Variants in ITIH6 observed in about 807,000 individuals in gnomAD.
ITIH6 encodes the protein inter-alpha-trypsin inhibitor heavy chain family member 6.
In ITIH6, 60 loss-of-function variants were observed where a neutral mutation model predicts 58.2. The ratio of observed to expected loss-of-function variants is 1.03; its 90% CI spans 0.84 to 1.28. ITIH6 has a LOEUF of 1.28. Among genes scored for constraint, ITIH6 ranks in the 50% most tolerant of loss-of-function variants. ITIH6 has a pLI of 0.00. For synonymous variants in ITIH6, 493 were observed against 417.4 expected, an observed-to-expected ratio of 1.18 and a Z score of -2.21; for missense variants, 1,290 against 1,021.1, an observed-to-expected ratio of 1.26 and a Z score of -3.59.
chrX:54,750,938 C>T, intron 12 of ITIH6, 65 bp downstream of exon 12: 2 of 1,061,929 alleles, frequency 1.9e-6, no homozygotes, highest in Non-Finnish European at 2.5e-6. Context: ...ACATGCCTTT[C>T]ACCCTGGCAG....
At chrX:54,752,459 G>A (rs1252303779) in intron 11 of ITIH6, among the ~76,000 whole-genome samples, 1 of 111,996 alleles carries the variant, frequency 8.9e-6, no homozygotes, top group African/African-American at 3.3e-5. Flanking sequence ...GTTTTAAGAA[G>A]GGATGAGACA....
intron 1 of ITIH6, among the ~76,000 whole-genome samples, chrX:54,797,875 G>T (rs2147623997): frequency 9.0e-6 from 1 of 110,560 alleles, no homozygotes; most frequent in South Asian, 3.9e-4. Flanking sequence ...TCTATAATGG[G>T]GATAATAATA....
In ITIH6 at chrX:54,758,867, C is replaced by T. The variant is rs747260784; in HGVS notation, c.1207G>A (p.Gly403Ser). The T allele has an allele frequency of 1.3e-5, 16 of 1,211,287 alleles. No individual in the cohort carries two copies. Among genetic ancestry groups the T allele is most frequent in the Admixed American group, 2.2e-5 (1 of 46,005 alleles). ...AGGATCACACTGGGGGTCGTCACGC[C>T]GGCCGTGGGCTCCCCATCCGTCAGG... ...IFLTDGEPTAGVTTPSVILSN... is the reference protein window; with the variant it reads ...IFLTDGEPTASVTTPSVILSN... The change falls in exon 8 of 13, where the codon GGC becomes AGC. Residue 403 changes from glycine (G) to serine (S), a missense_variant. Transcript: ENST00000218436.
chrX:54,795,249 G>C (rs1189731687), intron 2 of ITIH6, among the ~76,000 whole-genome samples: 3 of 112,054 alleles, frequency 2.7e-5, no homozygotes, highest in African/African-American at 9.7e-5. Flanking sequence ...GGATGCTGGA[G>C]ACAAATCGAA....
chrX:54,764,722 G>A (rs1239795746), intron 6 of ITIH6, among the ~76,000 whole-genome samples: 7 of 89,567 alleles, frequency 7.8e-5, no homozygotes, highest in African/African-American at 2.1e-4. Context: ...ATAAACATAC[G>A]TGTGCATGTG....
rs761443368 is a variant in ITIH6 at position 54,794,429 on chromosome X, GC to G, written c.258-2394del. Among the ~76,000 whole-genome samples, 310 of 111,156 alleles carry G rather than the reference GC, an allele frequency of 2.8e-3. 3 individuals are homozygous for G. The highest frequency in any genetic ancestry group is 5.3e-3 in the Non-Finnish European group (282 of 52,954). ...ATTTGACTGCCAGCTTCTCTGGTTA[GC>G]CCCCCATAGTCCAAACCCACGCCTG... On this transcript the variant is annotated intron_variant, in intron 2 of 12. Transcript: ENST00000218436.
rs761003584 is a variant in ITIH6 at position 54,749,999 on chromosome X, TCAG to T, written c.3835_3837del (p.Leu1279del). On this transcript the variant is annotated inframe_deletion, in exon 13 of 13. Transcript: ENST00000218436. Reference sequence around the variant, plus strand: ...CGGGGCAGCAGCCTTGGTGAGTCCTTCAGCAGCCTCTTGCCTAGAATCACAGGC... The same window carrying T: ...CGGGGCAGCAGCCTTGGTGAGTCCTTCAGCCTCTTGCCTAGAATCACAGGC... 4 of 1,209,693 alleles carry T rather than the reference TCAG, an allele frequency of 3.3e-6. No individual in the cohort carries two copies. Among genetic ancestry groups the T allele is most frequent in the Non-Finnish European group, 4.5e-6 (4 of 894,984 alleles).
At chrX:54,770,112 G>A (rs1486304642) in intron 6 of ITIH6, among the ~76,000 whole-genome samples, 4 of 111,973 alleles carry the variant, frequency 3.6e-5, no homozygotes, top group Non-Finnish European at 5.7e-5. Flanking sequence ...TCTGAAAAGC[G>A]CAATATTCGG....
chrX:54,751,356 A>G lies in ITIH6; in HGVS notation c.3377T>C (p.Leu1126Pro), dbSNP rs1457737481. 3.3e-6 allele frequency: 4 copies of G among 1,210,177 alleles called. No homozygotes were observed. The highest frequency in any genetic ancestry group is 4.5e-6 in the Non-Finnish European group (4 of 895,147). ...KAGLHVSGKL[L>P]GAPPRPGHKD... is the part of the protein sequence containing the mutation. ...GTGGCCCGGCCTTGGTGGTGCGCCAAGCAGCTTCCCACTCACATGCAGCCC... is the reference window on the plus strand; with the variant it reads ...GTGGCCCGGCCTTGGTGGTGCGCCAGGCAGCTTCCCACTCACATGCAGCCC... The change falls in exon 12 of 13, where the codon CTT (leucine) becomes CCT (proline). Residue 1126 changes from leucine (L) to proline (P), a missense_variant. Coordinates refer to ENST00000218436, the MANE Select transcript of ITIH6 (RefSeq NM_198510.3).
At position 54,749,997 on chromosome X, in the gene ITIH6, C is replaced by A. The variant is rs1387320767; in HGVS notation, c.3840G>T (p.Lys1280Asn). ...VPVILGKRLLKDSPRLLPRWA... is the reference protein window; with the variant it reads ...VPVILGKRLLNDSPRLLPRWA... Reference sequence around the variant, plus strand: ...AGCGGGGCAGCAGCCTTGGTGAGTCCTTCAGCAGCCTCTTGCCTAGAATCA... The same window carrying A: ...AGCGGGGCAGCAGCCTTGGTGAGTCATTCAGCAGCCTCTTGCCTAGAATCA... Residue 1280 changes from lysine (K) to asparagine (N), a missense_variant, in exon 13 of 13, where the codon AAG (lysine) becomes AAT (asparagine). Physicochemically the swap from Lys to Asn is moderately conservative, Grantham distance 94 (BLOSUM62 0). Coordinates refer to ENST00000218436, the MANE Select transcript of ITIH6 (RefSeq NM_198510.3). The A allele has an allele frequency of 5.0e-6, 6 of 1,211,464 alleles. No individual in the cohort carries two copies. The highest frequency in any genetic ancestry group is 6.7e-6 in the Non-Finnish European group (6 of 895,248).
intron 3 of ITIH6, 24 bp downstream of exon 3, chrX:54,791,902 G>A: frequency 3.4e-6 from 3 of 889,258 alleles, no homozygotes; most frequent in Non-Finnish European, 5.0e-6. Context: ...ATTAAGTCAT[G>A]TTTTGGACTG....
At chrX:54,784,460 C>A (rs1007087225) in intron 5 of ITIH6, among the ~76,000 whole-genome samples, 3 of 111,392 alleles carry the variant, frequency 2.7e-5, no homozygotes, top group African/African-American at 6.5e-5. Context: ...GGATTAATAA[C>A]CAGAATATAT....
intron 11 of ITIH6, 75 bp from the exon 12 acceptor site, chrX:54,751,455 A>AGTGT (rs1928360215): frequency 9.1e-7 from 1 of 1,103,176 alleles, no homozygotes; most frequent in Non-Finnish European, 1.2e-6. Flanking sequence ...CAGCATGGGC[A>AGTGT]GATGAAGTAG....
At chrX:54,770,467 T>A (rs1483767502) in intron 6 of ITIH6, among the ~76,000 whole-genome samples, 1 of 113,021 alleles carries the variant, frequency 8.8e-6, no homozygotes, top group East Asian at 2.8e-4. Context: ...TAACTGGGCA[T>A]TTTACATGAT....
At chrX:54,796,698 G>A (rs1297133075) in intron 2 of ITIH6, among the ~76,000 whole-genome samples, 1 of 95,989 alleles carries the variant, frequency 1.0e-5, no homozygotes. Flanking sequence ...AAAAAAAAAA[G>A]AAAGAAAGAA....
rs1436990495 is a variant in ITIH6 at position 54,758,956 on chromosome X, A to T, written c.1118T>A (p.Leu373Gln). 2 of 1,186,100 alleles carry T rather than the reference A, an allele frequency of 1.7e-6. No individual in the cohort carries two copies. The highest frequency in any genetic ancestry group is 4.7e-5 in the Admixed American group (2 of 43,005). Reference sequence around the variant, plus strand: ...CCCAGGCTCCTGGTTGCTATGGTTCAGCACTGAAGCAGCTGCCAGCAGAGC... The same window carrying T: ...CCCAGGCTCCTGGTTGCTATGGTTCTGCACTGAAGCAGCTGCCAGCAGAGC... ...NSALLAAASV[L>Q]NHSNQEPGRG... The change falls in exon 8 of 13, where the codon CTG becomes CAG. Residue 373 changes from leucine (L) to glutamine (Q), a missense_variant. Transcript: ENST00000218436.
chrX:54,790,844 G>T lies in ITIH6; in HGVS notation c.609C>A (p.Ala203=), dbSNP rs200117597. The change falls in exon 4 of 13, where the codon GCC becomes GCA. Residue 203 remains alanine (A), a synonymous_variant. Transcript: ENST00000218436. ...ATAGTGCTGCCCACATACTTGCATGGGCATTGGTGCGCAGACGGCCGGTCC... is the reference window on the plus strand; with the variant it reads ...ATAGTGCTGCCCACATACTTGCATGTGCATTGGTGCGCAGACGGCCGGTCC... ...PLRTGRLRTN[A]HASEVDSPPS... 8.3e-7 allele frequency: 1 copy of T among 1,210,925 alleles called. No homozygotes were observed. Among genetic ancestry groups the T allele is most frequent in the East Asian group, 3.0e-5 (1 of 33,747 alleles).
chrX:54,790,935 C>G lies in ITIH6; in HGVS notation c.518G>C (p.Arg173Thr). 8.2e-7 allele frequency: 1 copy of G among 1,212,375 alleles called. No homozygotes were observed. Among genetic ancestry groups the G allele is most frequent in the South Asian group, 1.8e-5 (1 of 57,049 alleles). ...TGACACTGTAACCTCTATGCTCAGC[C>G]TCTTCACCAATTGGCCAGGCCTCAG... ...VSLRPGQLVK[R>T]LSIEVTVSER... Residue 173 changes from arginine (R) to threonine (T), a missense_variant, in exon 4 of 13, where the codon AGG becomes ACG. Arg to Thr is a moderately conservative substitution (Grantham distance 71). Transcript: ENST00000218436.
rs1928311118 is a variant in ITIH6, at chrX:54,749,710, G to A, written c.*185C>T. ...GGACCATGAAGATGCAGGAGTCCCT[G>A]ACTCTATGTCTCTGCATGTCTATGT... On this transcript the variant is annotated 3_prime_UTR_variant, in exon 13 of 13. Transcript: ENST00000218436. The A allele has an allele frequency of 2.5e-6, 1 of 397,356 alleles. No homozygotes were observed. Among genetic ancestry groups the A allele is most frequent in the East Asian group, 4.2e-5 (1 of 24,016 alleles). The allele number at this position is 397,356 out of a possible 1,213,427, so 32.7% of individuals were successfully genotyped here.
Sources: gnomAD v4.1 joint callset for allele counts (sites outside exome capture counted in the v4.1 genomes callset) on GRCh38, gnomAD v4.1.1 for gene constraint, MANE v1.5 for transcripts, NCBI Gene and HGNC (gene_info 2026-07-23, HGNC 2026-07-21) for gene names.